The following RALYL variants were observed in gnomAD, a reference collection of about 807,000 sequenced individuals.
The protein encoded by RALYL is RALY RNA binding protein like.
A neutral mutation model predicts 35.1 loss-of-function variants in RALYL; 29 were observed. The observed-to-expected ratio is 0.83, with a 90% CI of 0.61 to 1.13. The LOEUF (loss-of-function observed/expected upper bound fraction) is 1.13, where lower values mean the gene tolerates loss of function less well. Ranked by LOEUF, RALYL falls within the 50% of genes most tolerant of loss-of-function variation. The pLI, the probability that RALYL is intolerant of heterozygous loss-of-function variation, is 0.00. For synonymous variants in RALYL, 120 were observed against 127.6 expected, an observed-to-expected ratio of 0.94 and a Z score of 0.40; for missense variants, 359 against 360.4, an observed-to-expected ratio of 1.00 and a Z score of 0.03.
chr8:84,674,102 C>A (rs1251525941), intron 2 of RALYL, among the ~76,000 whole-genome samples: 1 of 151,986 alleles, frequency 6.6e-6, no homozygotes, highest in Non-Finnish European at 1.5e-5. Flanking sequence ...TCCTAATTAG[C>A]TGTATTCCTA....
At chr8:84,904,066 A>T (rs1846108313) in intron 8 of RALYL, among the ~76,000 whole-genome samples, 1 of 152,208 alleles carries the variant, frequency 6.6e-6, no homozygotes, top group South Asian at 2.1e-4. Context: ...ATCGCAGATT[A>T]TATTCTAAAA....
intron 1 of RALYL, among the ~76,000 whole-genome samples, chr8:84,313,092 C>G (rs548236034): frequency 6.6e-6 from 1 of 152,344 alleles, no homozygotes; most frequent in East Asian, 1.9e-4. Context: ...ACATGGAAAC[C>G]ACCAAGGCTT....
At chr8:84,778,909 T>C (rs1018111883) in intron 3 of RALYL, among the ~76,000 whole-genome samples, 4 of 152,118 alleles carry the variant, frequency 2.6e-5, no homozygotes, top group Non-Finnish European at 5.9e-5. Context: ...AATGGCAGGC[T>C]CAGGTGTAAG....
chr8:84,637,403 A>AT (rs1421220524), intron 2 of RALYL, among the ~76,000 whole-genome samples: 2 of 151,796 alleles, frequency 1.3e-5, no homozygotes, highest in African/African-American at 2.4e-5. Context: ...TTCCTAGAAG[A>AT]TTTTTATGCA....
intron 2 of RALYL, among the ~76,000 whole-genome samples, chr8:84,765,619 T>C (rs889562894): frequency 1.3e-5 from 2 of 152,138 alleles, no homozygotes; most frequent in Non-Finnish European, 2.9e-5. Context: ...AAAACACTTT[T>C]TGGTGGTATG....
intron 2 of RALYL, among the ~76,000 whole-genome samples, chr8:84,613,408 TTAATGA>T (rs1368266973): frequency 6.6e-6 from 1 of 151,622 alleles, no homozygotes; most frequent in Non-Finnish European, 1.5e-5. Context: ...ATCCTGACTC[TTAATGA>T]TAATAATAAT....
intron 1 of RALYL, among the ~76,000 whole-genome samples, chr8:84,317,966 T>C (rs1586232332): frequency 6.6e-6 from 1 of 152,198 alleles, no homozygotes; most frequent in Middle Eastern, 3.2e-3. Context: ...CAATATTTTC[T>C]GTTTTTCCTC....
At chr8:84,357,198 G>A (rs72679309) in intron 1 of RALYL, among the ~76,000 whole-genome samples, 59,412 of 151,770 alleles carry the variant, frequency 0.39, 12,073 homozygotes, top group East Asian at 0.5. Flanking sequence ...CTTAGACCTC[G>A]CTAACAAATG....
At chr8:84,576,932 T>C (rs932481992) in intron 2 of RALYL, among the ~76,000 whole-genome samples, 1 of 152,224 alleles carries the variant, frequency 6.6e-6, no homozygotes, top group African/African-American at 2.4e-5. Context: ...TTGACAGAAC[T>C]CCTGACCAAC....
Position 84,555,819 on chromosome 8 carries a change from T to C in RALYL, c.256+26242T>C, listed in dbSNP as rs774763395. Among the ~76,000 whole-genome samples, 4 of 152,286 alleles carry C rather than the reference T, an allele frequency of 2.6e-5. No homozygotes were observed. The East Asian group carries it at 5.8e-4, about 22-fold the overall frequency. ...TAAATTTAGATATCCCATCAGTATA[T>C]AATGATCAAGCTATTTGCTAACAAT... On this transcript the variant is annotated intron_variant, in intron 2 of 8. Transcript: ENST00000521268.
At chr8:84,829,792 G>A (rs1381379789) in intron 4 of RALYL, among the ~76,000 whole-genome samples, 4 of 152,006 alleles carry the variant, frequency 2.6e-5, no homozygotes, top group Non-Finnish European at 4.4e-5. Context: ...AGATCCCTAT[G>A]AGCCTCTGAT....
intron 1 of RALYL, among the ~76,000 whole-genome samples, chr8:84,515,860 T>A (rs866972021): frequency 1.6e-4 from 25 of 152,298 alleles, no homozygotes; most frequent in African/African-American, 5.8e-4. Flanking sequence ...GAATCTGTGA[T>A]TGCTCCTGTT....
At chr8:84,455,488 TC>T (rs1221820603) in intron 1 of RALYL, among the ~76,000 whole-genome samples, 2 of 152,050 alleles carry the variant, frequency 1.3e-5, no homozygotes, top group Non-Finnish European at 2.9e-5. Flanking sequence ...GAAAGAATTA[TC>T]CCAAATTGCT....
intron 2 of RALYL, among the ~76,000 whole-genome samples, chr8:84,723,972 A>T (rs1451336509): frequency 1.3e-5 from 2 of 151,698 alleles, no homozygotes; most frequent in Admixed American, 6.6e-5. Flanking sequence ...CCTTTGCATC[A>T]CCTTATCTGG....
At chr8:84,447,878 T>C (rs999505168) in intron 1 of RALYL, among the ~76,000 whole-genome samples, 7 of 152,076 alleles carry the variant, frequency 4.6e-5, no homozygotes, top group Admixed American at 4.6e-4. Context: ...GTTTTAAGAT[T>C]CTAGTGAGAA....
intron 2 of RALYL, among the ~76,000 whole-genome samples, chr8:84,584,120 T>C (rs1279625422): frequency 1.3e-5 from 2 of 152,208 alleles, no homozygotes; most frequent in Non-Finnish European, 2.9e-5. Context: ...TATACCCTTT[T>C]AGTTATTTTT....
chr8:84,820,329 A>C (rs575667481), intron 4 of RALYL, among the ~76,000 whole-genome samples: 1 of 152,356 alleles, frequency 6.6e-6, no homozygotes, highest in African/African-American at 2.4e-5. Context: ...ATTTGTAGAC[A>C]TCAAATATTT....
At chr8:84,288,914 A>C (rs1838209658) in intron 1 of RALYL, among the ~76,000 whole-genome samples, 1 of 152,160 alleles carries the variant, frequency 6.6e-6, no homozygotes, top group Non-Finnish European at 1.5e-5. Flanking sequence ...AACAAAGTTG[A>C]ATGGCAAAGA....
At chr8:84,725,127 C>G (rs936248887) in intron 2 of RALYL, among the ~76,000 whole-genome samples, 5 of 151,550 alleles carry the variant, frequency 3.3e-5, no homozygotes, top group African/African-American at 1.2e-4. Flanking sequence ...TAAATCAATA[C>G]TATTTTTTAA....
Sources: gnomAD v4.1 joint callset for allele counts (sites outside exome capture counted in the v4.1 genomes callset) on GRCh38, gnomAD v4.1.1 for gene constraint, MANE v1.5 for transcripts, NCBI Gene and HGNC (gene_info 2026-07-23, HGNC 2026-07-21) for gene names.